Variants in ARHGEF7 observed in about 807,000 individuals in gnomAD.
The protein encoded by ARHGEF7 is Rho guanine nucleotide exchange factor 7.
Under a neutral mutation model 109.8 loss-of-function variants are expected in ARHGEF7, and 33 were observed. The ratio of observed to expected loss-of-function variants is 0.30; its 90% confidence interval spans 0.23 to 0.40. The LOEUF is 0.40. Ranked by LOEUF, ARHGEF7 falls within the 10% of genes least tolerant of loss-of-function variation. The pLI is 1.00. For missense variants in ARHGEF7, 938 were observed against 1,098.5 expected (o/e 0.85, Z 2.07); for synonymous variants, 458 against 424.6 (o/e 1.08, Z -0.97).
rs1401346532 is a variant in ARHGEF7 at position 111,255,269 on chromosome 13, A to G, written c.950+10975A>G. On this transcript the variant is annotated intron_variant, in intron 8 of 21. Coordinates refer to ENST00000646102, the MANE Select transcript of ARHGEF7 (RefSeq NM_001354046.2). This position sits in a 1 kb window ranked among gnomAD's most constrained non-coding sequence, Gnocchi z 4.1. ...TGTGCATTTCAGTTGGAGATGTCAC[A>G]GGGGAGGGTGGAAGCGGATACTGGG... 6.6e-6 allele frequency among the ~76,000 whole-genome samples: 1 copy of G among 152,238 alleles called. No homozygotes were observed. The highest frequency in any genetic ancestry group is 1.5e-5 in the Non-Finnish European group (1 of 68,030).
intron 2 of ARHGEF7, among the ~76,000 whole-genome samples, chr13:111,188,370 A>G (rs544070193): frequency 3.9e-5 from 6 of 152,328 alleles, no homozygotes; most frequent in East Asian, 1.9e-4. Context: ...TGTTTGGGCC[A>G]CTGAGTTTTA....
chr13:111,212,712 C>G (rs909078068), intron 4 of ARHGEF7, among the ~76,000 whole-genome samples: 3 of 152,198 alleles, frequency 2.0e-5, no homozygotes, highest in African/African-American at 7.2e-5. Flanking sequence ...ATTTCCAAGA[C>G]ATGCAAGAAA....
At chr13:111,285,036 T>C (rs891835974) in intron 16 of ARHGEF7, among the ~76,000 whole-genome samples, 2 of 152,244 alleles carry the variant, frequency 1.3e-5, no homozygotes, top group Admixed American at 6.5e-5. Context: ...TGTTTAACTT[T>C]TTGAAGGCTA....
intron 19 of ARHGEF7, among the ~76,000 whole-genome samples, chr13:111,297,679 G>A (rs1015817463): frequency 2.0e-5 from 3 of 152,220 alleles, no homozygotes; most frequent in Non-Finnish European, 4.4e-5. Flanking sequence ...GACTCACCAC[G>A]AGGGGCGTCC....
At chr13:111,204,865 G>A (rs544240388) in intron 2 of ARHGEF7, among the ~76,000 whole-genome samples, 1 of 152,344 alleles carries the variant, frequency 6.6e-6, no homozygotes, top group South Asian at 2.1e-4. Flanking sequence ...GGAATCGACT[G>A]TCATTTTCCC....
chr13:111,278,705 C>T (rs1322012781), intron 13 of ARHGEF7, among the ~76,000 whole-genome samples: 2 of 152,212 alleles, frequency 1.3e-5, no homozygotes, highest in African/African-American at 4.8e-5. Flanking sequence ...GCAGCTACTT[C>T]TGTGTTAAAT....
Position 111,298,962 on chromosome 13 carries a change from A to G in ARHGEF7, c.2312-1786A>G, listed in dbSNP as rs139191628. On this transcript the variant is annotated intron_variant, in intron 19 of 21. Transcript: ENST00000646102. ...CCTGCAGTTACCCTCATTTTCCATT[A>G]TCGGTGTGGCAAGTGTCTCCTGAAG... Among the ~76,000 whole-genome samples, 22 of 152,312 alleles carry G rather than the reference A, an allele frequency of 1.4e-4. No homozygotes were observed. The East Asian group carries it at 4.1e-3, about 28-fold the overall frequency.
chr13:111,148,201 T>C (rs956844596), intron 1 of ARHGEF7, among the ~76,000 whole-genome samples: 2 of 152,236 alleles, frequency 1.3e-5, no homozygotes, highest in African/African-American at 4.8e-5. Context: ...CCAATATTGC[T>C]GGATTAATTT....
At chr13:111,153,372 A>C (rs1303005975) in intron 1 of ARHGEF7, among the ~76,000 whole-genome samples, 2 of 152,064 alleles carry the variant, frequency 1.3e-5, no homozygotes, top group Non-Finnish European at 2.9e-5. Flanking sequence ...CAGGCCAAGG[A>C]CCTGGAGCAG....
At chr13:111,290,205 G>T (rs778498252) in intron 18 of ARHGEF7, among the ~76,000 whole-genome samples, 2 of 152,174 alleles carry the variant, frequency 1.3e-5, no homozygotes, top group Non-Finnish European at 2.9e-5. Flanking sequence ...TAGATGAACA[G>T]ACCAGGTTCA....
Position 111,267,594 on chromosome 13 carries a change from A to G in ARHGEF7, c.997A>G (p.Met333Val), listed in dbSNP as rs1400205549. 6 of 1,614,142 alleles carry G rather than the reference A, an allele frequency of 3.7e-6. No individual in the cohort carries two copies. Among genetic ancestry groups the G allele is most frequent in the Non-Finnish European group, 5.1e-6 (6 of 1,179,986 alleles). ...QRVGGCFLNLMPQMKTLYLTY... is the reference protein window; with the variant it reads ...QRVGGCFLNLVPQMKTLYLTY... ...AGTCGGAGGCTGCTTTTTAAACCTGATGCCACAGATGAAAACCCTGTACCT... is the reference window on the plus strand; with the variant it reads ...AGTCGGAGGCTGCTTTTTAAACCTGGTGCCACAGATGAAAACCCTGTACCT... The change falls in exon 9 of 22, where the codon ATG becomes GTG. Residue 333 changes from methionine to valine, a missense_variant. By Grantham distance (21) the Met-to-Val change is conservative. Transcript: ENST00000646102.
intron 12 of ARHGEF7, among the ~76,000 whole-genome samples, chr13:111,276,868 A>T (rs1300148995): frequency 1.3e-5 from 2 of 152,220 alleles, no homozygotes; most frequent in East Asian, 3.8e-4. Flanking sequence ...TCAACATGTG[A>T]AAAGGACTGT....
chr13:111,134,953 C>A (rs1274780375), intron 1 of ARHGEF7, among the ~76,000 whole-genome samples: 1 of 152,208 alleles, frequency 6.6e-6, no homozygotes, highest in African/African-American at 2.4e-5. Flanking sequence ...TTTAATCCAT[C>A]TTGAATTAAT....
At chr13:111,154,923 C>T (rs2076190608) in intron 2 of ARHGEF7, among the ~76,000 whole-genome samples, 1 of 151,982 alleles carries the variant, frequency 6.6e-6, no homozygotes, top group Admixed American at 6.5e-5. Flanking sequence ...GATAAGAGTA[C>T]AGTCGGCCCT....
Position 111,303,976 on chromosome 13 carries a change from G to A in ARHGEF7, c.*863G>A, listed in dbSNP as rs937651218. ...TCAAAGAGAGATCTTACTAGAACCT[G>A]TAAATAGAATGTATTATTTATTATA... On this transcript the variant is annotated 3_prime_UTR_variant, in exon 22 of 22. Coordinates refer to ENST00000646102, the MANE Select transcript of ARHGEF7 (RefSeq NM_001354046.2). 3.3e-5 allele frequency: 5 copies of A among 152,218 alleles called. No individual in the cohort carries two copies. Among genetic ancestry groups the A allele is most frequent in the African/African-American group, 1.2e-4 (5 of 41,452 alleles). The allele number at this position is 152,218 out of a possible 1,614,324, so 9.4% of individuals were successfully genotyped here.
chr13:111,215,005 C>T (rs1050981752), intron 4 of ARHGEF7, among the ~76,000 whole-genome samples: 1 of 151,194 alleles, frequency 6.6e-6, no homozygotes, highest in Non-Finnish European at 1.5e-5. Context: ...TCAGGTGATT[C>T]GCTGAGACCT....
intron 1 of ARHGEF7, among the ~76,000 whole-genome samples, chr13:111,125,206 G>C (rs1226419047): frequency 6.6e-6 from 1 of 152,180 alleles, no homozygotes; most frequent in Non-Finnish European, 1.5e-5. Context: ...GAGAAAAAGA[G>C]AGAGAGTGAG....
In ARHGEF7 at chr13:111,205,382, C is replaced by G; in HGVS notation, c.337+9C>G. The G allele has an allele frequency of 6.4e-7, 1 of 1,573,118 alleles. No individual in the cohort carries two copies. The highest frequency in any genetic ancestry group is 1.2e-5 in the South Asian group (1 of 84,372). ...AAATAAAGTAACAGCAGGTAAGACT[C>G]TTTTTTATTGAACTCGAGGGGGTGG... On this transcript the variant is annotated intron_variant, in intron 3 of 21. Coordinates refer to ENST00000646102, the MANE Select transcript of ARHGEF7 (RefSeq NM_001354046.2).
At chr13:111,218,137 A>G (rs1253362398) in intron 5 of ARHGEF7, among the ~76,000 whole-genome samples, 3 of 151,086 alleles carry the variant, frequency 2.0e-5, no homozygotes, top group Non-Finnish European at 4.4e-5. Context: ...TCGAATCTTT[A>G]TCATTGCAGT....
Sources: gnomAD v4.1 joint callset for allele counts (sites outside exome capture counted in the v4.1 genomes callset) on GRCh38, gnomAD v4.1.1 for gene constraint, Gnocchi (gnomAD v3.1) non-coding constraint, MANE v1.5 for transcripts, NCBI Gene and HGNC (gene_info 2026-07-23, HGNC 2026-07-21) for gene names.